A2M: variants seen among roughly 807,000 people sequenced by gnomAD.
A2M encodes the protein C3 and PZP-like alpha-2-macroglobulin domain-containing protein 5.
A neutral mutation model predicts 183.9 loss-of-function variants in A2M; 128 were observed. The ratio of observed to expected loss-of-function variants is 0.70; its 90% CI spans 0.60 to 0.81. The LOEUF is 0.81. A2M is among the 30% of genes least tolerant of loss of function. The probability of loss-of-function intolerance (pLI) is 0.00; values close to 1 mark genes in which losing one functional copy is unlikely to be tolerated. For missense variants in A2M, 1,495 were observed against 1,787.6 expected (o/e 0.84, Z 2.95); for synonymous variants, 592 against 670.8 (o/e 0.88, Z 1.81).
In A2M at chr12:9,069,950, G is replaced by A. The variant is rs753265054; in HGVS notation, c.4195-137C>T. On this transcript the variant is annotated intron_variant, in intron 32 of 35. Transcript: ENST00000318602. ...TGCTTTTTGTAAGGAAATATATAAT[G>A]TAATACAATTAAAAATGAAAGGCAT... is the stretch of plus-strand genomic sequence containing the variant. 45 of 685,456 alleles carry A rather than the reference G, an allele frequency of 6.6e-5. No individual in the cohort carries two copies. In the African/African-American group the frequency reaches 7.3e-4, roughly 11 times the overall value. The allele number at this position is 685,456 out of a possible 1,614,324, so 42.5% of individuals were successfully genotyped here.
intron 15 of A2M, among the ~76,000 whole-genome samples, chr12:9,096,542 A>G (rs1327927384): frequency 6.6e-6 from 1 of 152,232 alleles, no homozygotes; most frequent in Non-Finnish European, 1.5e-5. Context: ...AAAATGCTCC[A>G]GATCTTCATA....
At chr12:9,113,603 G>A (rs1308683858) in intron 1 of A2M, 60 bp from the exon 2 acceptor site, 1 of 1,492,398 alleles carries the variant, frequency 6.7e-7, no homozygotes. Context: ...GCTATCAACA[G>A]CACTTTTTTC....
At chr12:9,112,323 G>A in intron 3 of A2M, 54 bp downstream of exon 3, 1 of 1,600,842 alleles carries the variant, frequency 6.2e-7, no homozygotes. Context: ...GGAACATCCA[G>A]GGGAAGAAGA....
Position 9,067,895 on chromosome 12 carries a change from A to G in A2M, c.4409-56T>C, listed in dbSNP as rs1948443449. ...CAGATTTGGGTCTCCATGAGCAGAG[A>G]GTATTCTTTCCCTTAGTTCTGGGTA... On this transcript the variant is annotated intron_variant, in intron 35 of 35. Transcript: ENST00000318602. 1.4e-5 allele frequency: 22 copies of G among 1,537,870 alleles called. No homozygotes were observed. In the South Asian group the frequency reaches 2.5e-4, roughly 18 times the overall value.
chr12:9,087,002 T>C (rs1195178589), intron 22 of A2M, among the ~76,000 whole-genome samples: 1 of 152,020 alleles, frequency 6.6e-6, no homozygotes, highest in Non-Finnish European at 1.5e-5. Context: ...CAATGAATGA[T>C]TGAGAAAGAA....
In A2M at chr12:9,094,295, G is replaced by C. The variant is rs562709233; in HGVS notation, c.2125+678C>G. Among the ~76,000 whole-genome samples, 12 of 146,480 alleles carry C rather than the reference G, an allele frequency of 8.2e-5. No individual in the cohort carries two copies. In the South Asian group the frequency reaches 2.6e-3, roughly 32 times the overall value. Reference sequence around the variant, plus strand: ...TCTATTCACCTTCTATTAAGGGTGTGCTGGTCAATATTTCACAACCAGCTC... The same window carrying C: ...TCTATTCACCTTCTATTAAGGGTGTCCTGGTCAATATTTCACAACCAGCTC... On this transcript the variant is annotated intron_variant, in intron 17 of 35. Coordinates refer to ENST00000318602, the MANE Select transcript of A2M (RefSeq NM_000014.6).
chr12:9,106,484 C>T lies in A2M; in HGVS notation c.994+7G>A. ...TGTTTTCTCTTATACCCATGTAGTA[C>T]ACAAACCTGTTCCTTCTTCTTGGAT... On this transcript the variant is annotated splice_region_variant and intron_variant, in intron 9 of 35. Coordinates refer to ENST00000318602, the MANE Select transcript of A2M (RefSeq NM_000014.6). 6.4e-7 allele frequency: 1 copy of T among 1,566,958 alleles called. No individual in the cohort carries two copies. Among genetic ancestry groups the T allele is most frequent in the South Asian group, 1.1e-5 (1 of 87,630 alleles).
intron 22 of A2M, among the ~76,000 whole-genome samples, chr12:9,082,130 C>T (rs150918721): frequency 6.6e-6 from 1 of 152,284 alleles, no homozygotes; most frequent in Non-Finnish European, 1.5e-5. Flanking sequence ...TAAAGGGTAG[C>T]TCAACTCAGC....
chr12:9,104,779 T>C (rs1380318496), intron 10 of A2M, among the ~76,000 whole-genome samples: 1 of 152,186 alleles, frequency 6.6e-6, no homozygotes, highest in Non-Finnish European at 1.5e-5. Flanking sequence ...ACTAGAGTAA[T>C]ATGATAATGA....
In A2M at chr12:9,068,718, C is replaced by T. The variant is rs749692631; in HGVS notation, c.4366+22G>A. On this transcript the variant is annotated intron_variant, in intron 34 of 35. Transcript: ENST00000318602. ...TGTGATCAGGAATTAAATATTTCTACGTGAAAATCACTCTCACTCACCCGT... is the reference window on the plus strand; with the variant it reads ...TGTGATCAGGAATTAAATATTTCTATGTGAAAATCACTCTCACTCACCCGT... 22 of 1,535,542 alleles carry T rather than the reference C, an allele frequency of 1.4e-5. No individual in the cohort carries two copies. The South Asian group carries it at 1.9e-4, about 13-fold the overall frequency.
At chr12:9,081,064 A>G (rs1237447919) in intron 22 of A2M, among the ~76,000 whole-genome samples, 1 of 152,186 alleles carries the variant, frequency 6.6e-6, no homozygotes, top group East Asian at 1.9e-4. Flanking sequence ...AACTTTTGTA[A>G]AAAAACAGAT....
chr12:9,079,784 T>C lies in A2M; in HGVS notation c.2886A>G (p.Thr962=). 6.2e-7 allele frequency: 1 copy of C among 1,612,164 alleles called. No homozygotes were observed. Among genetic ancestry groups the C allele is most frequent in the Non-Finnish European group, 8.5e-7 (1 of 1,179,206 alleles). ...CATAGGGCATCTGGAGAAGATTTTG[T>C]GTGTTTTGCATGGCAGAGCCTAATA... ...GDILGSAMQN[T]QNLLQMPYGC... Residue 962 remains threonine (T), a synonymous_variant, in exon 24 of 36, where the codon ACA becomes ACG. Coordinates refer to ENST00000318602, the MANE Select transcript of A2M (RefSeq NM_000014.6).
At chr12:9,080,676 A>G (rs1948884133) in intron 22 of A2M, among the ~76,000 whole-genome samples, 1 of 152,244 alleles carries the variant, frequency 6.6e-6, no homozygotes, top group Non-Finnish European at 1.5e-5. Flanking sequence ...TTTTTATGGA[A>G]AACCTAGAAA....
At chr12:9,089,556 C>T (rs928303230) in intron 21 of A2M, among the ~76,000 whole-genome samples, 142 of 152,200 alleles carry the variant, frequency 9.3e-4, no homozygotes, top group African/African-American at 3.3e-3. Flanking sequence ...GCCTGGCCAA[C>T]GTGGTGAAAT....
intron 13 of A2M, among the ~76,000 whole-genome samples, chr12:9,100,606 A>C (rs1937759315): frequency 6.6e-6 from 1 of 152,152 alleles, no homozygotes; most frequent in African/African-American, 2.4e-5. Flanking sequence ...TAACGCAAAG[A>C]AAATAGGCTG....
chr12:9,092,096 AAC>A (rs1380652307), intron 18 of A2M, among the ~76,000 whole-genome samples: 1 of 152,156 alleles, frequency 6.6e-6, no homozygotes, highest in East Asian at 1.9e-4. Flanking sequence ...TTGGGCTTCT[AAC>A]TAGCCTGCAC....
At chr12:9,084,023 A>C (rs1948984770) in intron 22 of A2M, among the ~76,000 whole-genome samples, 1 of 152,174 alleles carries the variant, frequency 6.6e-6, no homozygotes, top group African/African-American at 2.4e-5. Context: ...AGAGTGGAAT[A>C]ATATATTCAA....
chr12:9,067,993 T>C, intron 35 of A2M, 154 bp from the exon 36 acceptor site: 1 of 948,336 alleles, frequency 1.1e-6, no homozygotes, highest in Non-Finnish European at 1.6e-6. Context: ...CCATAAGCAA[T>C]CCTATGGACT....
At chr12:9,107,982 C>A (rs1938433586) in intron 7 of A2M, among the ~76,000 whole-genome samples, 1 of 151,244 alleles carries the variant, frequency 6.6e-6, no homozygotes. Context: ...CAAAACAGAA[C>A]AAAAAAAACC....
Sources: allele counts gnomAD v4.1 joint callset (sites outside exome capture counted in the v4.1 genomes callset), GRCh38; gene constraint gnomAD v4.1.1; transcripts MANE v1.5; gene names NCBI Gene and HGNC (gene_info 2026-07-23, HGNC 2026-07-21).